Variants in SVOP observed in about 807,000 individuals in gnomAD.
SVOP encodes the protein synaptic vesicle 2-related protein.
A neutral mutation model predicts 69.1 loss-of-function variants in SVOP; 17 were observed. The observed-to-expected ratio is 0.25, with a 90% CI of 0.17 to 0.37. The LOEUF (loss-of-function observed/expected upper bound fraction) is 0.37. Ranked by LOEUF, SVOP falls within the 10% of genes least tolerant of loss-of-function variation. SVOP has a pLI of 1.00. For missense variants in SVOP, 435 were observed against 597.5 expected, an observed-to-expected ratio of 0.73 and a Z score of 2.84; for synonymous variants, 238 against 238.6, an observed-to-expected ratio of 1.00 and a Z score of 0.02.
chr12:108,981,586 C>T (rs973659364), intron 2 of SVOP, among the ~76,000 whole-genome samples: 2 of 152,112 alleles, frequency 1.3e-5, no homozygotes, highest in African/African-American at 2.4e-5. Context: ...ATTGCCTGGG[C>T]GTAAATCCAA....
chr12:109,015,776 G>C (rs1420270940), intron 1 of SVOP, among the ~76,000 whole-genome samples: 1 of 152,174 alleles, frequency 6.6e-6, no homozygotes, highest in Non-Finnish European at 1.5e-5. Context: ...CTGGGCAACA[G>C]AGCGAGACTC....
rs2039660272 is a variant in SVOP at position 108,908,306 on chromosome 12, T to C, written c.*4229A>G. ...CTCTGAATGACACCAGGCTGTACTT[T>C]ATTCCTATGCAATCTCTCTAAACTG... On this transcript the variant is annotated 3_prime_UTR_variant, in exon 16 of 16. Transcript: ENST00000610966. 1 of 152,266 alleles carries C rather than the reference T, an allele frequency of 6.6e-6. No homozygotes were observed. The highest frequency in any genetic ancestry group is 1.5e-5 in the Non-Finnish European group (1 of 68,044). 9.4% of individuals were successfully genotyped at this position (152,266 alleles called of 1,614,324 possible). A position where few individuals can be genotyped will look rare whatever the true frequency, so the allele number is the denominator to read the frequency against.
At chr12:108,975,966 G>A (rs1449323973) in intron 4 of SVOP, among the ~76,000 whole-genome samples, 1 of 152,126 alleles carries the variant, frequency 6.6e-6, no homozygotes, top group Non-Finnish European at 1.5e-5. Context: ...CTCCCAAAGT[G>A]CTGGGATTAC....
chr12:108,943,757 G>A (rs1472179175), intron 7 of SVOP, among the ~76,000 whole-genome samples: 2 of 152,040 alleles, frequency 1.3e-5, no homozygotes, highest in East Asian at 3.8e-4. Context: ...AGATCAGCTG[G>A]TCTAGATACA....
chr12:108,979,926 C>T (rs1245460964), intron 2 of SVOP, among the ~76,000 whole-genome samples: 1 of 152,290 alleles, frequency 6.6e-6, no homozygotes, highest in Admixed American at 6.5e-5. Flanking sequence ...AATCCCAGCA[C>T]TTTGGGAGGC....
chr12:108,960,845 C>T, intron 6 of SVOP, 78 bp downstream of exon 6: 1 of 1,492,090 alleles, frequency 6.7e-7, no homozygotes, highest in South Asian at 1.3e-5. Flanking sequence ...ATCTCAGCCC[C>T]TAACTCCTGA....
chr12:108,980,668 T>C (rs1445808008), intron 2 of SVOP, among the ~76,000 whole-genome samples: 1 of 123,824 alleles, frequency 8.1e-6, no homozygotes, highest in African/African-American at 3.5e-5. Flanking sequence ...GAGAATGGCG[T>C]GAACCCGGGA....
intron 15 of SVOP, among the ~76,000 whole-genome samples, chr12:108,913,403 C>G (rs1206780870): frequency 6.6e-6 from 1 of 152,164 alleles, no homozygotes; most frequent in Non-Finnish European, 1.5e-5. Flanking sequence ...AACACAGATG[C>G]CATGCCACAG....
At position 108,922,707 on chromosome 12, in the gene SVOP, G is replaced by A; in HGVS notation, c.1139C>T (p.Thr380Ile). The stretch of plus-strand genomic sequence containing the variant: ...TCCCTCACCTGGAAACTCAGAGAGG[G>A]TGGTCCACAGCAAGTCCATGTAATC... Reference protein sequence around the residue: ...EEDYMDLLWTTLSEFPGVLVT... With the variant: ...EEDYMDLLWTILSEFPGVLVT... Residue 380 changes from threonine to isoleucine, a missense_variant, in exon 12 of 16, where the codon ACC becomes ATC. Transcript: ENST00000610966. 1 of 1,609,822 alleles carries A rather than the reference G, an allele frequency of 6.2e-7. No homozygotes were observed. Among genetic ancestry groups the A allele is most frequent in the Non-Finnish European group, 8.5e-7 (1 of 1,178,308 alleles).
intron 12 of SVOP, 125 bp from the exon 13 acceptor site, chr12:108,919,911 A>C: frequency 8.0e-6 from 5 of 626,040 alleles, no homozygotes; most frequent in Non-Finnish European, 1.1e-5. Flanking sequence ...CTCACTTCTA[A>C]TGACTAGAAG....
chr12:108,939,057 G>T, intron 8 of SVOP, 102 bp from the exon 9 acceptor site: 1 of 1,528,750 alleles, frequency 6.5e-7, no homozygotes, highest in Non-Finnish European at 8.9e-7. Flanking sequence ...TTAAGAGTGG[G>T]GGCTCTGGAG....
At chr12:109,013,724 G>A (rs564717172) in intron 1 of SVOP, among the ~76,000 whole-genome samples, 7 of 151,986 alleles carry the variant, frequency 4.6e-5, no homozygotes, top group South Asian at 4.2e-4. Flanking sequence ...CAGTTCTCTG[G>A]CATTAAGCAC....
chr12:108,984,964 T>C (rs944593549), intron 1 of SVOP, among the ~76,000 whole-genome samples: 115 of 152,272 alleles, frequency 7.6e-4, no homozygotes, highest in Non-Finnish European at 1.4e-3. Context: ...CAGTGGATCA[T>C]GCCTGTAATC....
chr12:108,957,199 T>G (rs1416795465), intron 6 of SVOP, among the ~76,000 whole-genome samples: 1 of 152,186 alleles, frequency 6.6e-6, no homozygotes, highest in Non-Finnish European at 1.5e-5. Context: ...AGTCTTGCTC[T>G]GTCGCCGAGG....
chr12:109,011,876 C>T (rs1254304047), intron 1 of SVOP, among the ~76,000 whole-genome samples: 1 of 152,132 alleles, frequency 6.6e-6, no homozygotes, highest in African/African-American at 2.4e-5. Flanking sequence ...TGCATGATCT[C>T]ATTTATATGT....
chr12:108,998,417 T>C (rs564118408), intron 1 of SVOP, among the ~76,000 whole-genome samples: 167 of 152,120 alleles, frequency 1.1e-3, no homozygotes, highest in African/African-American at 3.7e-3. Flanking sequence ...ACTTCCCCAA[T>C]CTAGCAAGGC....
rs753311361 is a variant in SVOP, at chr12:108,928,218, C to G, written c.1049-5421G>C. On this transcript the variant is annotated intron_variant, in intron 11 of 15. Transcript: ENST00000610966. ...CATGCGCAGCCAACCCCCACACCCC[C>G]CTGACCCCCACCATTTTAACCAAAC... Among the ~76,000 whole-genome samples the G allele has an allele frequency of 9.9e-5, 15 of 152,062 alleles. 1 individual carries two copies. The highest frequency in any genetic ancestry group is 1.8e-4 in the Non-Finnish European group (12 of 68,010).
chr12:109,011,916 C>T (rs961781580), intron 1 of SVOP, among the ~76,000 whole-genome samples: 4 of 152,074 alleles, frequency 2.6e-5, no homozygotes, highest in African/African-American at 9.7e-5. Context: ...CTCATAGAAG[C>T]AGAGAGTGGA....
intron 2 of SVOP, among the ~76,000 whole-genome samples, chr12:108,979,475 C>G (rs1369754254): frequency 1.3e-5 from 2 of 152,134 alleles, no homozygotes; most frequent in African/African-American, 4.8e-5. Flanking sequence ...CTCCTGAGCT[C>G]AAGCTGTCTT....
Sources: gnomAD v4.1 joint callset for allele counts (sites outside exome capture counted in the v4.1 genomes callset) on GRCh38, gnomAD v4.1.1 for gene constraint, MANE v1.5 for transcripts, NCBI Gene and HGNC (gene_info 2026-07-23, HGNC 2026-07-21) for gene names.